The following SAMD5 variants were observed in gnomAD, a reference collection of about 807,000 sequenced individuals.
The protein encoded by SAMD5 is sterile alpha motif domain-containing protein 5.
SAMD5 carries 13 observed loss-of-function variants against 11.3 expected under a neutral mutation model. That is an observed-to-expected ratio of 1.15 (90% confidence interval 0.75 to 1.83). The LOEUF is 1.83. Ranked by LOEUF, SAMD5 falls within the 40% of genes most tolerant of loss-of-function variation. The pLI, the probability that SAMD5 is intolerant of heterozygous loss-of-function variation, is 0.00. For missense variants in SAMD5, 255 were observed against 239.1 expected (o/e 1.07, Z -0.44); for synonymous variants, 129 against 111.3 (o/e 1.16, Z -1.00).
chr6:147,597,852 C>A (rs1789554827), intron 1 of SAMD5, among the ~76,000 whole-genome samples: 1 of 152,152 alleles, frequency 6.6e-6, no homozygotes, highest in Non-Finnish European at 1.5e-5. Flanking sequence ...GTGACTTCTT[C>A]CTCTGGGCAT....
intron 1 of SAMD5, among the ~76,000 whole-genome samples, chr6:147,704,605 T>G (rs1791300003): frequency 1.3e-5 from 2 of 152,146 alleles, no homozygotes; most frequent in African/African-American, 4.8e-5. Context: ...TGGGAAAGAT[T>G]GGAAGAAGAA....
chr6:147,738,032 C>CA (rs901983313), downstream of SAMD5, among the ~76,000 whole-genome samples: 1 of 152,110 alleles, frequency 6.6e-6, no homozygotes, highest in African/African-American at 2.4e-5. Flanking sequence ...GCTCACCACT[C>CA]AGAGACCAAA....
chr6:147,535,477 A>G lies in SAMD5; in HGVS notation c.459+26090A>G, dbSNP rs369332611. On this transcript the variant is annotated intron_variant, in intron 1 of 1. Transcript: ENST00000367474. ...AAACTGCAGAAAAAGCCTTAAGAACAGCTAACAACAGTGTACTATAGTTTT... is the reference window on the plus strand; with the variant it reads ...AAACTGCAGAAAAAGCCTTAAGAACGGCTAACAACAGTGTACTATAGTTTT... 1.2e-4 allele frequency among the ~76,000 whole-genome samples: 19 copies of G among 152,362 alleles called. No individual in the cohort carries two copies. In the South Asian group the frequency reaches 1.9e-3, roughly 15 times the overall value.
chr6:147,925,492 T>G, the SAMD5 span, among the ~76,000 whole-genome samples: 1 of 148,238 alleles, frequency 6.7e-6, no homozygotes, highest in African/African-American at 2.5e-5. Flanking sequence ...AGAATAGAAT[T>G]TTTTTTTTTT....
At chr6:147,923,932 G>A in the SAMD5 span, among the ~76,000 whole-genome samples, 1 of 152,156 alleles carries the variant, frequency 6.6e-6, no homozygotes, top group Admixed American at 6.5e-5. Context: ...CCTGGAAGAT[G>A]GTCAGGTTTG....
downstream of SAMD5, among the ~76,000 whole-genome samples, chr6:147,570,708 G>A (rs1345283376): frequency 6.6e-6 from 1 of 152,002 alleles, no homozygotes; most frequent in Non-Finnish European, 1.5e-5. Context: ...TGCAAAATGA[G>A]AAGAAAGTAA....
intron 1 of SAMD5, among the ~76,000 whole-genome samples, chr6:147,708,140 T>A: frequency 6.6e-6 from 1 of 152,174 alleles, no homozygotes; most frequent in East Asian, 1.9e-4. Context: ...TTTGCAGATA[T>A]GGTCTTTATG....
chr6:147,867,279 G>GTTTTTTTTTTTTTTTTTTTTTTT, the SAMD5 span, among the ~76,000 whole-genome samples: 1 of 115,396 alleles, frequency 8.7e-6, no homozygotes, highest in Non-Finnish European at 1.8e-5. Context: ...GGTCAAAAAG[G>GTTTTTTTTTTTTTTTTTTTTTTT]TTTTTTTTTT....
intron 1 of SAMD5, among the ~76,000 whole-genome samples, chr6:147,684,583 G>A (rs904018575): frequency 1.3e-5 from 2 of 152,188 alleles, no homozygotes; most frequent in African/African-American, 4.8e-5. Flanking sequence ...AACAGTGCCT[G>A]AGAATTCAAG....
At chr6:147,714,403 A>G (rs566354441) in intron 1 of SAMD5, among the ~76,000 whole-genome samples, 14 of 152,294 alleles carry the variant, frequency 9.2e-5, no homozygotes, top group Admixed American at 1.3e-4. Flanking sequence ...CTGGAGAAGC[A>G]CGTCCTGCTT....
the SAMD5 span, among the ~76,000 whole-genome samples, chr6:147,948,737 GTT>G: frequency 6.6e-6 from 1 of 151,818 alleles, no homozygotes; most frequent in South Asian, 2.1e-4. Flanking sequence ...TTGGTTTTTT[GTT>G]TTGTTTTGTT....
intron 1 of SAMD5, among the ~76,000 whole-genome samples, chr6:147,607,114 T>A (rs1054749953): frequency 6.6e-6 from 1 of 152,198 alleles, no homozygotes; most frequent in African/African-American, 2.4e-5. Context: ...CTTAAAAAAA[T>A]TCTTTCATTT....
chr6:147,749,406 G>A, the SAMD5 span, among the ~76,000 whole-genome samples: 2 of 152,124 alleles, frequency 1.3e-5, no homozygotes, highest in African/African-American at 2.4e-5. Context: ...CTGACCTCGT[G>A]GTCCACCCAC....
At chr6:147,546,772 A>G (rs1788694547) in intron 1 of SAMD5, among the ~76,000 whole-genome samples, 1 of 152,220 alleles carries the variant, frequency 6.6e-6, no homozygotes, top group Non-Finnish European at 1.5e-5. Context: ...TGAATTTACA[A>G]TCAGAAAAAT....
At chr6:147,666,169 C>A (rs1490525053) in intron 1 of SAMD5, among the ~76,000 whole-genome samples, 1 of 152,192 alleles carries the variant, frequency 6.6e-6, no homozygotes, top group Non-Finnish European at 1.5e-5. Flanking sequence ...CAACTCCTGA[C>A]CTCGTGATCC....
chr6:147,608,914 A>C (rs1358967010), intron 1 of SAMD5, among the ~76,000 whole-genome samples: 1 of 152,204 alleles, frequency 6.6e-6, no homozygotes, highest in Non-Finnish European at 1.5e-5. Flanking sequence ...TGTACCCCAT[A>C]AATATATGTA....
the SAMD5 span, among the ~76,000 whole-genome samples, chr6:147,759,731 A>T: frequency 2.0e-5 from 3 of 152,134 alleles, no homozygotes; most frequent in African/African-American, 2.4e-5. Flanking sequence ...AAGTGAAGTC[A>T]TCATTTGGCA....
At chr6:147,550,898 A>AC (rs1200847972) in intron 1 of SAMD5, among the ~76,000 whole-genome samples, 1 of 89,310 alleles carries the variant, frequency 1.1e-5, no homozygotes. Context: ...TACCTCTTAT[A>AC]TTTATATATA....
intron 1 of SAMD5, among the ~76,000 whole-genome samples, chr6:147,696,735 C>T (rs879308514): frequency 6.6e-6 from 1 of 152,088 alleles, no homozygotes; most frequent in African/African-American, 2.4e-5. Flanking sequence ...TTTTGCATCT[C>T]GGCGCCCACT....
Sources: gnomAD v4.1 joint callset for allele counts (sites outside exome capture counted in the v4.1 genomes callset) on GRCh38, gnomAD v4.1.1 for gene constraint, MANE v1.5 for transcripts, NCBI Gene and HGNC (gene_info 2026-07-23, HGNC 2026-07-21) for gene names.